Variants in SNTG1 observed in about 807,000 individuals in gnomAD.
The protein encoded by SNTG1 is syntrophin gamma 1, also known as gamma-1-syntrophin.
A neutral mutation model predicts 74.7 loss-of-function variants in SNTG1; 39 were observed. The observed-to-expected ratio is 0.52, with a 90% CI of 0.40 to 0.68. SNTG1 has a LOEUF of 0.68. Ranked by LOEUF, SNTG1 falls within the 30% of genes least tolerant of loss-of-function variation. The pLI is 0.00. For synonymous variants in SNTG1, 254 were observed against 217.1 expected (o/e 1.17, Z -1.49); for missense variants, 685 against 609.5 (o/e 1.12, Z -1.30).
chr8:50,405,334 T>C (rs900936037), intron 4 of SNTG1, among the ~76,000 whole-genome samples: 3 of 152,080 alleles, frequency 2.0e-5, no homozygotes, highest in Non-Finnish European at 4.4e-5. Context: ...TTTTTGATAA[T>C]AGCTATCCAA....
intron 15 of SNTG1, among the ~76,000 whole-genome samples, chr8:50,660,130 G>A (rs573892449): frequency 2.0e-5 from 3 of 151,968 alleles, no homozygotes; most frequent in South Asian, 4.1e-4. Flanking sequence ...ATGAGCCACC[G>A]CGCCAGGGCG....
intron 8 of SNTG1, among the ~76,000 whole-genome samples, chr8:50,495,061 G>T (rs532994539): frequency 4.0e-5 from 6 of 151,882 alleles, no homozygotes; most frequent in Admixed American, 1.3e-4. Flanking sequence ...CATTATTTTA[G>T]GCTGAAATTT....
chr8:50,642,352 A>C (rs1449993248), intron 13 of SNTG1, among the ~76,000 whole-genome samples: 1 of 152,106 alleles, frequency 6.6e-6, no homozygotes, highest in Non-Finnish European at 1.5e-5. Context: ...TCAGGCAAGC[A>C]ATCCAGTCAA....
intron 4 of SNTG1, among the ~76,000 whole-genome samples, chr8:50,408,427 T>C (rs1016906612): frequency 6.6e-6 from 1 of 152,170 alleles, no homozygotes; most frequent in East Asian, 1.9e-4. Flanking sequence ...CTCATTGTTA[T>C]AATTGTGCAA....
chr8:50,702,990 T>C (rs2095431298), intron 15 of SNTG1, among the ~76,000 whole-genome samples: 1 of 152,136 alleles, frequency 6.6e-6, no homozygotes, highest in Non-Finnish European at 1.5e-5. Flanking sequence ...GTTTGCAGAA[T>C]GGTAGTTGCT....
rs139193215 is a variant in SNTG1 at position 50,349,708 on chromosome 8, A to C, written c.-27-44504A>C. ...TGCTGTGATGCTATGGGATTCTTTC[A>C]TAAGGCATGCCATGTTCCCTTGTCC... On this transcript the variant is annotated intron_variant, in intron 2 of 18. Transcript: ENST00000642720. 5.0e-3 allele frequency among the ~76,000 whole-genome samples: 761 copies of C among 152,330 alleles called. 4 individuals are homozygous for C. The highest frequency in any genetic ancestry group is 0.017 in the African/African-American group (722 of 41,582).
intron 12 of SNTG1, among the ~76,000 whole-genome samples, chr8:50,590,675 TA>T (rs1404711856): frequency 1.3e-5 from 2 of 152,110 alleles, no homozygotes; most frequent in African/African-American, 4.8e-5. Flanking sequence ...ACTGTTTACA[TA>T]AGAAGTGTGG....
At position 50,583,449 on chromosome 8, in the gene SNTG1, A is replaced by G. The variant is rs527703569; in HGVS notation, c.811-7430A>G. Among the ~76,000 whole-genome samples, 13 of 151,616 alleles carry G rather than the reference A, an allele frequency of 8.6e-5. No individual in the cohort carries two copies. In the South Asian group the frequency reaches 1.0e-3, roughly 12 times the overall value. ...TACATGAGCCATTAAACCAATTTATATGATAGAAAATAACTAGCATCAAAA... is the reference window on the plus strand; with the variant it reads ...TACATGAGCCATTAAACCAATTTATGTGATAGAAAATAACTAGCATCAAAA... On this transcript the variant is annotated intron_variant, in intron 12 of 18. Transcript: ENST00000642720.
intron 2 of SNTG1, among the ~76,000 whole-genome samples, chr8:50,275,346 GTTCT>G (rs2088032186): frequency 6.6e-6 from 1 of 151,942 alleles, no homozygotes; most frequent in African/African-American, 2.4e-5. Context: ...TGTTATATTT[GTTCT>G]TTGTTATTTT....
At chr8:50,044,140 G>C (rs1818877505) in intron 1 of SNTG1, among the ~76,000 whole-genome samples, 1 of 152,168 alleles carries the variant, frequency 6.6e-6, no homozygotes, top group Non-Finnish European at 1.5e-5. Flanking sequence ...TAAACTCACA[G>C]AAGTCCCTAG....
intron 2 of SNTG1, among the ~76,000 whole-genome samples, chr8:50,368,945 C>T (rs76294349): frequency 0.049 from 7,507 of 152,182 alleles, 251 homozygotes; most frequent in Non-Finnish European, 0.071. Context: ...ACAGGCTCAG[C>T]GCTGGAGGGG....
intron 2 of SNTG1, among the ~76,000 whole-genome samples, chr8:50,356,592 G>A (rs1343829046): frequency 6.6e-6 from 1 of 152,132 alleles, no homozygotes; most frequent in Non-Finnish European, 1.5e-5. Flanking sequence ...GTAAGGAAGG[G>A]CCTTCTTGCT....
intron 13 of SNTG1, among the ~76,000 whole-genome samples, chr8:50,619,731 GAA>G (rs780234473): frequency 7.8e-5 from 5 of 63,846 alleles, no homozygotes; most frequent in South Asian, 5.1e-4. Flanking sequence ...ACTCCGTCTC[GAA>G]AAAAAAAAAA....
intron 8 of SNTG1, among the ~76,000 whole-genome samples, chr8:50,493,974 G>A (rs1463417881): frequency 6.6e-6 from 1 of 151,732 alleles, no homozygotes; most frequent in African/African-American, 2.4e-5. Context: ...AGAGCCCTAA[G>A]TTGGAGGGTT....
At chr8:50,711,300 A>C (rs1231397034) in intron 17 of SNTG1, among the ~76,000 whole-genome samples, 1 of 152,180 alleles carries the variant, frequency 6.6e-6, no homozygotes, top group Non-Finnish European at 1.5e-5. Flanking sequence ...CTTTAAGACT[A>C]TATGTCCAAG....
Position 50,498,274 on chromosome 8 carries a change from A to G in SNTG1, c.364-4504A>G, listed in dbSNP as rs184090947. 3.9e-5 allele frequency among the ~76,000 whole-genome samples: 6 copies of G among 152,022 alleles called. No individual in the cohort carries two copies. The East Asian group carries it at 9.7e-4, about 24-fold the overall frequency. ...CTCCAAAACCTTACACACACTTAGT[A>G]TGTGAGACATACATAATTTAGACAT... On this transcript the variant is annotated intron_variant, in intron 8 of 18. Transcript: ENST00000642720.
At chr8:50,509,544 A>G (rs2094045172) in intron 9 of SNTG1, among the ~76,000 whole-genome samples, 2 of 152,150 alleles carry the variant, frequency 1.3e-5, no homozygotes, top group Admixed American at 6.5e-5. Context: ...CTTCCTACCC[A>G]TGAGCATGGA....
Position 50,011,970 on chromosome 8 carries a change from T to G in SNTG1, c.-103+99739T>G, listed in dbSNP as rs574007478. On this transcript the variant is annotated intron_variant, in intron 1 of 18. Coordinates refer to ENST00000642720, the MANE Select transcript of SNTG1 (RefSeq NM_018967.5). ...GCTATCACCTTTTTTTCCTTTATAT[T>G]TGGAAACATCCCATGGCCCACAAAA... 18 of 152,244 alleles carry G rather than the reference T, an allele frequency of 1.2e-4. 2 individuals are homozygous for G. Among genetic ancestry groups the G allele is most frequent in the African/African-American group, 4.3e-4 (18 of 41,548 alleles). 9.4% of individuals were successfully genotyped at this position (152,244 alleles called of 1,614,324 possible). A position where few individuals can be genotyped will look rare whatever the true frequency, so the allele number is the denominator to read the frequency against.
chr8:50,600,069 G>A (rs2094761424), intron 13 of SNTG1, among the ~76,000 whole-genome samples: 1 of 152,036 alleles, frequency 6.6e-6, no homozygotes, highest in South Asian at 2.1e-4. Context: ...TCATATGGTT[G>A]TTGTTCCTCA....
Sources: allele counts gnomAD v4.1 joint callset (sites outside exome capture counted in the v4.1 genomes callset), GRCh38; gene constraint gnomAD v4.1.1; transcripts MANE v1.5; gene names NCBI Gene and HGNC (gene_info 2026-07-23, HGNC 2026-07-21).